Variants in SLC1A2 observed in about 807,000 individuals in gnomAD.
SLC1A2 encodes solute carrier family 1 member 2, also known as excitatory amino acid transporter 2.
In SLC1A2, 15 loss-of-function variants were observed where a neutral mutation model predicts 48.8. That is an observed-to-expected ratio of 0.31 (90% CI 0.21 to 0.47). The LOEUF is 0.47. Ranked by LOEUF, SLC1A2 falls within the 20% of genes least tolerant of loss-of-function variation. The pLI, the probability that SLC1A2 is intolerant of heterozygous loss-of-function variation, is 0.99. For synonymous variants in SLC1A2, 279 were observed against 272.6 expected, an observed-to-expected ratio of 1.02 and a Z score of -0.23; for missense variants, 502 against 730.5, an observed-to-expected ratio of 0.69 and a Z score of 3.61.
intron 8 of SLC1A2, chr11:35,281,735 G>A (rs1364100248): frequency 6.6e-6 from 1 of 152,016 alleles, no homozygotes; most frequent in Non-Finnish European, 1.5e-5. Flanking sequence ...GGGTTAATCT[G>A]GAGTTCAAGT....
chr11:35,385,169 A>G (rs1301397346), intron 1 of SLC1A2, among the ~76,000 whole-genome samples: 1 of 152,210 alleles, frequency 6.6e-6, no homozygotes, highest in Non-Finnish European at 1.5e-5. Context: ...TGCATTCTAA[A>G]TTGTCATTGA....
At chr11:35,359,676 T>C (rs1464701534) in intron 1 of SLC1A2, among the ~76,000 whole-genome samples, 1 of 152,256 alleles carries the variant, frequency 6.6e-6, no homozygotes, top group Non-Finnish European at 1.5e-5. Flanking sequence ...TCATTCAGCG[T>C]ACCAAGTACT....
chr11:35,415,927 T>C (rs1339393670), intron 1 of SLC1A2, among the ~76,000 whole-genome samples: 1 of 152,234 alleles, frequency 6.6e-6, no homozygotes, highest in Non-Finnish European at 1.5e-5. Flanking sequence ...CTAGCCTGGC[T>C]GCCACCAACT....
At chr11:35,272,984 G>A (rs763150540) in intron 9 of SLC1A2, among the ~76,000 whole-genome samples, 1 of 152,188 alleles carries the variant, frequency 6.6e-6, no homozygotes, top group South Asian at 2.1e-4. Context: ...ACAGGGAAAT[G>A]TGAAATCGTC....
At chr11:35,302,300 G>C (rs1047631999) in intron 5 of SLC1A2, among the ~76,000 whole-genome samples, 20 of 152,062 alleles carry the variant, frequency 1.3e-4, no homozygotes, top group Non-Finnish European at 2.9e-5. Context: ...TTATGAATTT[G>C]TCATAATTAT....
chr11:35,301,643 G>T lies in SLC1A2; in HGVS notation c.733C>A (p.Leu245Met). Residue 245 changes from leucine to methionine, a missense_variant and splice_region_variant, in exon 6 of 11, where the codon CTG (leucine) becomes ATG (methionine). By Grantham distance (15) the Leu-to-Met change is conservative. This residue lies in a region of SLC1A2 where 309 missense variants were observed against 480.3 expected (regional missense o/e 0.64). Coordinates refer to ENST00000278379, the MANE Select transcript of SLC1A2 (RefSeq NM_004171.4). ...CCAAAAGCAATGAAAAACCCTATCA[G>T]ACCTGTTGGATGAATCACATTACAT... is the stretch of plus-strand genomic sequence containing the variant. ...EFKDGMNVLGLIGFFIAFGIA... is the reference protein window; with the variant it reads ...EFKDGMNVLGMIGFFIAFGIA... 1 of 1,613,404 alleles carries T rather than the reference G, an allele frequency of 6.2e-7. No homozygotes were observed. The highest frequency in any genetic ancestry group is 1.1e-5 in the South Asian group (1 of 91,006).
intron 1 of SLC1A2, chr11:35,380,291 C>T (rs1225523366): frequency 2.5e-6 from 1 of 398,388 alleles, no homozygotes; most frequent in Non-Finnish European, 4.4e-6. Flanking sequence ...GGTTCGACTC[C>T]ACCTAAAGAT....
intron 1 of SLC1A2, among the ~76,000 whole-genome samples, chr11:35,414,846 T>A (rs1855562921): frequency 6.6e-6 from 1 of 152,250 alleles, no homozygotes; most frequent in African/African-American, 2.4e-5. Flanking sequence ...AGCAGGCGAC[T>A]GAAATGAAGA....
chr11:35,362,567 A>G (rs1399436901), intron 1 of SLC1A2, among the ~76,000 whole-genome samples: 1 of 152,214 alleles, frequency 6.6e-6, no homozygotes, highest in Non-Finnish European at 1.5e-5. Flanking sequence ...TATTCACGGG[A>G]CTGTAGTGAA....
intron 1 of SLC1A2, among the ~76,000 whole-genome samples, chr11:35,412,164 A>C (rs949417458): frequency 4.6e-5 from 7 of 152,156 alleles, no homozygotes; most frequent in African/African-American, 7.2e-5. Flanking sequence ...GACAAAAAAA[A>C]CCTAAAAACT....
rs139470190 is a variant in SLC1A2, at chr11:35,280,894, C to G, written c.1394G>C (p.Ser465Thr). ...TAVGLPTEDI[S>T]LLVAVDWLLD... ...CAGCCAGTCCACAGCCACCAGCAGG[C>G]TGATGTCCTCTGTTGGCAGGCCCAC... Residue 465 changes from serine (S) to threonine (T), a missense_variant, in exon 9 of 11, where the codon AGC (serine) becomes ACC (threonine). By Grantham distance (58) the Ser-to-Thr change is moderately conservative. Around this residue, in one of 4 missense-constraint regions of SLC1A2, gnomAD observed 309 missense variants for 480.3 expected, o/e 0.64. Coordinates refer to ENST00000278379, the MANE Select transcript of SLC1A2 (RefSeq NM_004171.4). The G allele has an allele frequency of 1.9e-6, 3 of 1,612,354 alleles. No individual in the cohort carries two copies. The highest frequency in any genetic ancestry group is 2.5e-6 in the Non-Finnish European group (3 of 1,179,286).
rs543200491 is a variant in SLC1A2, at chr11:35,392,256, T to C, written c.17+26694A>G. 33 of 152,366 alleles carry C rather than the reference T, an allele frequency of 2.2e-4. 1 individual carries two copies. The highest frequency in any genetic ancestry group is 7.9e-4 in the African/African-American group (33 of 41,594). 9.4% of individuals were successfully genotyped at this position (152,366 alleles called of 1,614,324 possible). On this transcript the variant is annotated intron_variant, in intron 1 of 10. Transcript: ENST00000278379. ...GTTTCCTGGTTTAAGGTGCACATTT[T>C]TGGTTTTATTTTCTAAGTACATTGC...
At chr11:35,340,757 T>G (rs1279934406) in intron 1 of SLC1A2, among the ~76,000 whole-genome samples, 1 of 152,208 alleles carries the variant, frequency 6.6e-6, no homozygotes, top group Non-Finnish European at 1.5e-5. Context: ...ATTTATTGAT[T>G]GAAAGAGACA....
intron 1 of SLC1A2, among the ~76,000 whole-genome samples, chr11:35,393,215 C>T (rs1394099794): frequency 3.3e-5 from 5 of 152,190 alleles, no homozygotes; most frequent in South Asian, 2.1e-4. Context: ...CCCAGGGTCT[C>T]GGGCTGCTGG....
intron 9 of SLC1A2, among the ~76,000 whole-genome samples, chr11:35,279,876 GAT>G (rs1175222877): frequency 1.3e-5 from 2 of 152,210 alleles, no homozygotes; most frequent in Non-Finnish European, 2.9e-5. Context: ...CATGTTTCTT[GAT>G]ATTCTCCGCT....
At chr11:35,300,286 T>G (rs1294272488) in intron 6 of SLC1A2, among the ~76,000 whole-genome samples, 1 of 152,240 alleles carries the variant, frequency 6.6e-6, no homozygotes, top group Non-Finnish European at 1.5e-5. Context: ...ATTAGGTTGG[T>G]GCAAAAGTAA....
intron 4 of SLC1A2, among the ~76,000 whole-genome samples, chr11:35,310,067 G>A (rs1254774929): frequency 2.0e-5 from 3 of 152,324 alleles, no homozygotes; most frequent in East Asian, 1.9e-4. Context: ...AGCGCTCACC[G>A]AGTGTGAGTG....
chr11:35,335,975 A>G (rs1396613902), intron 1 of SLC1A2, among the ~76,000 whole-genome samples: 1 of 152,244 alleles, frequency 6.6e-6, no homozygotes, highest in African/African-American at 2.4e-5. Context: ...ACAATGGAAT[A>G]CTATGCAGCC....
intron 7 of SLC1A2, among the ~76,000 whole-genome samples, chr11:35,287,661 C>T (rs151323864): frequency 6.6e-6 from 1 of 152,202 alleles, no homozygotes; most frequent in South Asian, 2.1e-4. Context: ...CACCCCCACT[C>T]CTCCCAGGCC....
Sources: gnomAD v4.1 joint callset for allele counts (sites outside exome capture counted in the v4.1 genomes callset) on GRCh38, gnomAD v4.1.1 for gene constraint, gnomAD v4.1.1 regional missense constraint, MANE v1.5 for transcripts, NCBI Gene and HGNC (gene_info 2026-07-23, HGNC 2026-07-21) for gene names.